Variants in CDK5RAP2 observed in about 807,000 individuals in gnomAD.
CDK5RAP2 encodes CDK5 regulatory subunit associated protein 2, also known as CDK5 regulatory subunit-associated protein 2.
In CDK5RAP2, 147 loss-of-function variants were observed where a neutral mutation model predicts 232.9. That is an observed-to-expected ratio of 0.63 (90% CI 0.55 to 0.72). The LOEUF (loss-of-function observed/expected upper bound fraction) is 0.72. CDK5RAP2 is among the 30% of genes least tolerant of loss of function. The pLI, the probability that CDK5RAP2 is intolerant of heterozygous loss-of-function variation, is 0.00. For missense variants in CDK5RAP2, 2,195 were observed against 2,231.5 expected, an observed-to-expected ratio of 0.98 and a Z score of 0.33; for synonymous variants, 833 against 833.7, an observed-to-expected ratio of 1.00 and a Z score of 0.01.
In CDK5RAP2 at chr9:120,579,980, G is replaced by C. The variant is rs1415062522; in HGVS notation, c.-2C>G. On this transcript the variant is annotated 5_prime_UTR_variant, in exon 1 of 38. Coordinates refer to ENST00000349780, the MANE Select transcript of CDK5RAP2 (RefSeq NM_018249.6). ...CTCTTCCAACACCAAGTCCATCATGGCTACAGAGGTGGCGACAGCGTTGGT... is the reference window on the plus strand; with the variant it reads ...CTCTTCCAACACCAAGTCCATCATGCCTACAGAGGTGGCGACAGCGTTGGT... The C allele has an allele frequency of 6.2e-7, 1 of 1,607,956 alleles. No individual in the cohort carries two copies. The highest frequency in any genetic ancestry group is 1.3e-5 in the African/African-American group (1 of 74,840).
intron 25 of CDK5RAP2, among the ~76,000 whole-genome samples, chr9:120,429,797 G>C (rs1356912106): frequency 6.6e-6 from 1 of 152,110 alleles, no homozygotes; most frequent in Non-Finnish European, 1.5e-5. Context: ...AGCCCGCATC[G>C]CCAAGTCAAT....
At chr9:120,489,838 A>G (rs112680320) in intron 13 of CDK5RAP2, among the ~76,000 whole-genome samples, 5,566 of 135,606 alleles carry the variant, frequency 0.041, 375 homozygotes, top group African/African-American at 0.14. Flanking sequence ...AAGGAGTTTC[A>G]CTCTTGTTGC....
At chr9:120,437,589 A>C in intron 24 of CDK5RAP2, 62 bp from the exon 25 acceptor site, 1 of 1,198,344 alleles carries the variant, frequency 8.3e-7, no homozygotes, top group Non-Finnish European at 1.2e-6. Context: ...TGTGACCTTA[A>C]CACTAATTGG....
chr9:120,452,884 TGA>T (rs1195513762), intron 21 of CDK5RAP2, among the ~76,000 whole-genome samples: 1 of 152,132 alleles, frequency 6.6e-6, no homozygotes, highest in African/African-American at 2.4e-5. Context: ...AGATCTTTGA[TGA>T]GTGTTGTCAG....
At chr9:120,423,594 G>A (rs944068900) in intron 25 of CDK5RAP2, among the ~76,000 whole-genome samples, 2 of 152,204 alleles carry the variant, frequency 1.3e-5, no homozygotes, top group Non-Finnish European at 2.9e-5. Context: ...GGAAGCACAT[G>A]AGCCTAGATT....
intron 29 of CDK5RAP2, 144 bp from the exon 30 acceptor site, chr9:120,409,460 A>C: frequency 1.5e-6 from 1 of 682,732 alleles, no homozygotes; most frequent in Admixed American, 2.5e-5. Flanking sequence ...TATCTTACAC[A>C]CTTTGGGCAG....
In CDK5RAP2 at chr9:120,471,760, G is replaced by T. The variant is rs148661503; in HGVS notation, c.1846C>A (p.Arg616=). Residue 616 remains arginine (R), a synonymous_variant, in exon 16 of 38, where the codon CGG becomes AGG. Transcript: ENST00000349780. ...ATAAAGTGTGTACCTTCCCGCCTCC[G>T]AATTTCGCTGATCTGCTCCTCCAAG... ...KTLEEQISEI[R]RREEESFSLY... 6.2e-7 allele frequency: 1 copy of T among 1,614,090 alleles called. No individual in the cohort carries two copies. Among genetic ancestry groups the T allele is most frequent in the Non-Finnish European group, 8.5e-7 (1 of 1,179,980 alleles).
chr9:120,437,215 G>T, intron 25 of CDK5RAP2, 80 bp downstream of exon 25: 1 of 990,980 alleles, frequency 1.0e-6, no homozygotes, highest in Non-Finnish European at 1.6e-6. Flanking sequence ...AGGCCAAGGA[G>T]TTAGCTCCTC....
intron 12 of CDK5RAP2, among the ~76,000 whole-genome samples, chr9:120,513,395 T>TCC (rs773966766): frequency 3.2e-4 from 49 of 152,162 alleles, no homozygotes; most frequent in South Asian, 1.0e-3. Context: ...AAGTCCAGGC[T>TCC]CCCAAACTGC....
intron 5 of CDK5RAP2, among the ~76,000 whole-genome samples, chr9:120,542,459 G>A (rs184133233): frequency 6.7e-6 from 1 of 148,622 alleles, no homozygotes; most frequent in Non-Finnish European, 1.5e-5. Context: ...TTGTGCCATT[G>A]CACTCCAGCC....
chr9:120,565,762 T>C (rs1197834796), intron 3 of CDK5RAP2, among the ~76,000 whole-genome samples: 1 of 152,114 alleles, frequency 6.6e-6, no homozygotes, highest in Non-Finnish European at 1.5e-5. Flanking sequence ...CAACATCTCC[T>C]CCAGAGGCTT....
intron 15 of CDK5RAP2, among the ~76,000 whole-genome samples, 189 bp from the exon 16 acceptor site, chr9:120,472,067 C>T (rs1475927602): frequency 4.6e-5 from 7 of 152,212 alleles, no homozygotes; most frequent in African/African-American, 1.7e-4. Flanking sequence ...CATGCTCCTA[C>T]TACCAACTAA....
At chr9:120,443,144 C>A (rs577415072) in intron 23 of CDK5RAP2, among the ~76,000 whole-genome samples, 10 of 152,176 alleles carry the variant, frequency 6.6e-5, no homozygotes, top group Non-Finnish European at 1.5e-4. Flanking sequence ...ACCTTTTCCA[C>A]TGATCTGCCT....
chr9:120,458,655 A>T (rs1395527775), intron 19 of CDK5RAP2, 33 bp from the exon 20 acceptor site: 1 of 1,602,688 alleles, frequency 6.2e-7, no homozygotes, highest in Admixed American at 1.7e-5. Flanking sequence ...AAATAATGGA[A>T]TAAGGAGGAA....
At position 120,459,921 on chromosome 9, in the gene CDK5RAP2, C is replaced by G. The variant is rs375917930; in HGVS notation, c.2202+651G>C. The stretch of plus-strand genomic sequence containing the variant: ...ATCCCAGTCTCTAGGGTTCTTTCAA[C>G]CTTGGAGACTGCTTGGAGTCTCCTA... On this transcript the variant is annotated intron_variant, in intron 19 of 37. Coordinates refer to ENST00000349780, the MANE Select transcript of CDK5RAP2 (RefSeq NM_018249.6). 1.5e-3 allele frequency among the ~76,000 whole-genome samples: 229 copies of G among 152,306 alleles called. 2 individuals carry two copies. Among genetic ancestry groups the G allele is most frequent in the African/African-American group, 5.0e-3 (209 of 41,558 alleles).
At chr9:120,430,225 C>G (rs983752985) in intron 25 of CDK5RAP2, among the ~76,000 whole-genome samples, 2 of 152,076 alleles carry the variant, frequency 1.3e-5, no homozygotes, top group African/African-American at 4.8e-5. Context: ...TCTAAAACAC[C>G]AAAAGCAATG....
chr9:120,431,394 TC>T (rs1483301913), intron 25 of CDK5RAP2, among the ~76,000 whole-genome samples: 1 of 152,318 alleles, frequency 6.6e-6, no homozygotes, highest in Admixed American at 6.5e-5. Context: ...CTCTGTCACT[TC>T]CTGTCTGACT....
At chr9:120,507,920 AAAAAAAAAAAAAAAAAAAAAAAATAT>A (rs1388166193) in intron 12 of CDK5RAP2, among the ~76,000 whole-genome samples, 4 of 59,316 alleles carry the variant, frequency 6.7e-5, no homozygotes, top group African/African-American at 2.1e-4. Flanking sequence ...TAAAAAAAAA[AAAAAAAAAAAAAAAAAAAAAAAATAT>A]ATATATATAT....
intron 7 of CDK5RAP2, among the ~76,000 whole-genome samples, chr9:120,533,019 C>T (rs962925232): frequency 3.3e-5 from 5 of 152,168 alleles, no homozygotes; most frequent in Admixed American, 3.3e-4. Context: ...CCTTTACGTG[C>T]TGTTCTCTCT....
Sources: allele counts gnomAD v4.1 joint callset (sites outside exome capture counted in the v4.1 genomes callset), GRCh38; gene constraint gnomAD v4.1.1; transcripts MANE v1.5; gene names NCBI Gene and HGNC (gene_info 2026-07-23, HGNC 2026-07-21).